The following TFB1M variants were observed in gnomAD, a reference collection of about 807,000 sequenced individuals.
The protein encoded by TFB1M is dimethyladenosine transferase 1, mitochondrial.
TFB1M carries 27 observed loss-of-function variants against 31.1 expected under a neutral mutation model. The observed-to-expected ratio is 0.87, with a 90% CI of 0.64 to 1.20. The LOEUF (loss-of-function observed/expected upper bound fraction) is 1.20. Ranked by LOEUF, TFB1M falls within the 50% of genes most tolerant of loss-of-function variation. TFB1M has a pLI of 0.00. For missense variants in TFB1M, 394 were observed against 418.7 expected, an observed-to-expected ratio of 0.94 and a Z score of 0.51; for synonymous variants, 166 against 151.8, an observed-to-expected ratio of 1.09 and a Z score of -0.69.
chr6:155,266,846 CAAAAAAA>C (rs1213939199), intron 5 of TFB1M, among the ~76,000 whole-genome samples: 4 of 62,832 alleles, frequency 6.4e-5, no homozygotes, highest in African/African-American at 6.2e-5. Flanking sequence ...GACTCCGTCT[CAAAAAAA>C]AAAAAAAAAA....
Position 155,257,719 on chromosome 6 carries a change from T to G in TFB1M, c.*117A>C. 1 of 1,247,708 alleles carries G rather than the reference T, an allele frequency of 8.0e-7. No homozygotes were observed. The highest frequency in any genetic ancestry group is 1.1e-6 in the Non-Finnish European group (1 of 878,890). 77.3% of individuals were successfully genotyped at this position (1,247,708 alleles called of 1,614,324 possible). A position where few individuals can be genotyped will look rare whatever the true frequency, so the allele number is the denominator to read the frequency against. ...AGCTGTATAGTAAAAGGAAAATAAG[T>G]CACATCTGGTCATTGGCATTTGTAT... On this transcript the variant is annotated 3_prime_UTR_variant, in exon 7 of 7. Transcript: ENST00000367166.
the TFB1M span, among the ~76,000 whole-genome samples, chr6:155,232,268 GT>G: frequency 0.13 from 18,674 of 148,926 alleles, 2,112 homozygotes; most frequent in East Asian, 0.49. Context: ...AATTTTTAGT[GT>G]TTTTTTTTTC....
At chr6:155,308,201 A>G (rs1324340257) in intron 2 of TFB1M, among the ~76,000 whole-genome samples, 1 of 152,172 alleles carries the variant, frequency 6.6e-6, no homozygotes, top group Non-Finnish European at 1.5e-5. Context: ...GAAATGCACA[A>G]TCAGAATGTG....
At chr6:155,311,712 GA>G (rs1430175838) in intron 1 of TFB1M, among the ~76,000 whole-genome samples, 3 of 152,142 alleles carry the variant, frequency 2.0e-5, no homozygotes, top group Non-Finnish European at 4.4e-5. Flanking sequence ...TATAGTTATT[GA>G]ACATTGAATA....
chr6:155,275,825 G>T, intron 5 of TFB1M: 1 of 1,614,132 alleles, frequency 6.2e-7, no homozygotes, highest in Non-Finnish European at 8.5e-7. Flanking sequence ...GAATGTGGAT[G>T]TGGACTCCAA....
At position 155,256,496 on chromosome 6, in the gene TFB1M, C is replaced by G. The variant is rs1784038776; in HGVS notation, c.*1340G>C. On this transcript the variant is annotated 3_prime_UTR_variant, in exon 7 of 7. Coordinates refer to ENST00000367166, the MANE Select transcript of TFB1M (RefSeq NM_016020.4). ...TTTCTCACTGTAGCTTCATCCAGGT[C>G]TTTAAAAGTCCTGAAGAATTCCTCC... The G allele has an allele frequency of 6.2e-7, 1 of 1,614,158 alleles. No individual in the cohort carries two copies.
chr6:155,258,214 A>G (rs961271363), intron 6 of TFB1M, 132 bp from the exon 7 acceptor site: 1 of 1,124,560 alleles, frequency 8.9e-7, no homozygotes. Context: ...GAGTGGCAGG[A>G]GCCTCTTGGA....
chr6:155,276,101 G>T (rs1361230191), intron 5 of TFB1M: 1 of 1,614,150 alleles, frequency 6.2e-7, no homozygotes, highest in South Asian at 1.1e-5. Context: ...TTTCATGTCT[G>T]CAGGAATCTC....
rs1784704550 is a variant in TFB1M at position 155,267,360 on chromosome 6, T to C, written c.667-6960A>G. ...AGTAAACCTAAAATATAGAGACAAA[T>C]CTCCAAATTCAATGTTTTATTTGGG... On this transcript the variant is annotated intron_variant, in intron 5 of 6. Transcript: ENST00000367166. Among the ~76,000 whole-genome samples the C allele has an allele frequency of 1.3e-5, 2 of 152,180 alleles. 1 individual carries two copies. Among genetic ancestry groups the C allele is most frequent in the South Asian group, 4.1e-4 (2 of 4,830 alleles).
chr6:155,254,112 T>A (rs375530292), downstream of TFB1M: 16 of 1,557,674 alleles, frequency 1.0e-5, no homozygotes, highest in African/African-American at 2.1e-4. Context: ...TAGAATTATG[T>A]CTCTTAAGGG....
the TFB1M span, chr6:155,248,157 C>G: frequency 2.5e-6 from 4 of 1,613,854 alleles, no homozygotes; most frequent in Non-Finnish European, 3.4e-6. Flanking sequence ...ACCAGGAGAG[C>G]GAGGAGCACT....
intron 5 of TFB1M, chr6:155,263,991 G>C (rs1784507985): frequency 6.6e-6 from 1 of 151,650 alleles, no homozygotes; most frequent in Non-Finnish European, 1.5e-5. Flanking sequence ...AGACTTTAAA[G>C]AACAACATAT....
chr6:155,262,132 G>C (rs749969710), intron 5 of TFB1M, among the ~76,000 whole-genome samples: 41 of 152,224 alleles, frequency 2.7e-4, no homozygotes, highest in Admixed American at 2.6e-4. Flanking sequence ...AGAAGACAAG[G>C]GGCTGTGGAG....
intron 5 of TFB1M, among the ~76,000 whole-genome samples, chr6:155,273,652 CAG>C (rs1491098275): frequency 3.3e-5 from 5 of 151,972 alleles, no homozygotes; most frequent in Non-Finnish European, 7.4e-5. Context: ...GGGAAACACA[CAG>C]GGGGAGAAAG....
chr6:155,251,762 T>G (rs796396676), downstream of TFB1M, among the ~76,000 whole-genome samples: 6 of 152,322 alleles, frequency 3.9e-5, no homozygotes, highest in South Asian at 1.2e-3. Flanking sequence ...AATAAGCAGG[T>G]GCTTCTGCAT....
intron 5 of TFB1M, among the ~76,000 whole-genome samples, chr6:155,273,575 G>T (rs1785038231): frequency 6.6e-6 from 1 of 152,176 alleles, no homozygotes; most frequent in African/African-American, 2.4e-5. Context: ...GTGGGGAGGG[G>T]AGTGGGTGAA....
At chr6:155,260,630 C>A in intron 5 of TFB1M, 1 of 585,972 alleles carries the variant, frequency 1.7e-6, no homozygotes, top group Non-Finnish European at 3.1e-6. Context: ...TGACATCCAC[C>A]AGACCTGTGC....
the TFB1M span, chr6:155,250,832 T>C: frequency 1.4e-6 from 2 of 1,387,634 alleles, no homozygotes; most frequent in Non-Finnish European, 1.0e-6. Flanking sequence ...TAGCAATGAC[T>C]GTGTGTACAT....
chr6:155,247,907 A>G, the TFB1M span: 3 of 1,450,800 alleles, frequency 2.1e-6, no homozygotes, highest in African/African-American at 2.8e-5. Context: ...GGAGGACTAT[A>G]GAAATAGATG....
Sources: gnomAD v4.1 joint callset for allele counts (sites outside exome capture counted in the v4.1 genomes callset) on GRCh38, gnomAD v4.1.1 for gene constraint, MANE v1.5 for transcripts, NCBI Gene and HGNC (gene_info 2026-07-23, HGNC 2026-07-21) for gene names.